Variants in RASSF3 observed in about 807,000 individuals in gnomAD.
RASSF3 encodes Ras association domain family member 3.
Under a neutral mutation model 19.9 loss-of-function variants are expected in RASSF3, and 19 were observed. The observed-to-expected ratio is 0.96, with a 90% CI of 0.67 to 1.40. The LOEUF (loss-of-function observed/expected upper bound fraction) is 1.40, where lower values mean the gene tolerates loss of function less well. Among genes scored for constraint, RASSF3 ranks in the 40% most tolerant of loss-of-function variants. RASSF3 has a pLI of 0.00. For synonymous variants in RASSF3, 110 were observed against 104.2 expected, an observed-to-expected ratio of 1.06 and a Z score of -0.34; for missense variants, 306 against 289.8, an observed-to-expected ratio of 1.06 and a Z score of -0.41.
intron 2 of RASSF3, among the ~76,000 whole-genome samples, chr12:64,555,909 T>TC (rs1476535287): frequency 7.2e-5 from 11 of 151,762 alleles, no homozygotes; most frequent in Admixed American, 2.0e-4. Context: ...AGAAAAAGTC[T>TC]CCCCCTTAAA....
At chr12:64,574,704 A>G (rs1354480779) in intron 2 of RASSF3, among the ~76,000 whole-genome samples, 1 of 152,230 alleles carries the variant, frequency 6.6e-6, no homozygotes, top group Non-Finnish European at 1.5e-5. Context: ...TGCGTAGAAC[A>G]TGAGTTCTCC....
At chr12:64,685,562 A>C (rs1873317184) in intron 2 of RASSF3, among the ~76,000 whole-genome samples, 1 of 152,152 alleles carries the variant, frequency 6.6e-6, no homozygotes, top group Non-Finnish European at 1.5e-5. Flanking sequence ...TACAAAATAA[A>C]TATGGAAGTG....
chr12:64,685,694 G>A (rs1291135334), intron 2 of RASSF3, among the ~76,000 whole-genome samples: 3 of 152,296 alleles, frequency 2.0e-5, no homozygotes, highest in East Asian at 1.9e-4. Context: ...CGTCGCTGTC[G>A]CAGGCTTCCA....
chr12:64,646,178 AC>A (rs1565859850), intron 1 of RASSF3, among the ~76,000 whole-genome samples: 2 of 152,202 alleles, frequency 1.3e-5, no homozygotes, highest in African/African-American at 2.4e-5. Context: ...TTCTTGTAGA[AC>A]GTGTCCTTTG....
intron 2 of RASSF3, among the ~76,000 whole-genome samples, chr12:64,585,670 T>C (rs1339720047): frequency 6.9e-6 from 1 of 144,528 alleles, no homozygotes; most frequent in Non-Finnish European, 1.5e-5. Flanking sequence ...AGTGGCATAA[T>C]CACGGCTCAT....
At chr12:64,562,523 C>T (rs116060821) in intron 2 of RASSF3, among the ~76,000 whole-genome samples, 2,029 of 152,256 alleles carry the variant, frequency 0.013, 39 homozygotes, top group African/African-American at 0.039. Flanking sequence ...CATGTCTCTA[C>T]CCCCATCTTT....
intron 2 of RASSF3, among the ~76,000 whole-genome samples, chr12:64,600,221 G>C (rs575995814): frequency 6.6e-6 from 1 of 152,156 alleles, no homozygotes; most frequent in African/African-American, 2.4e-5. Flanking sequence ...CACCTTTGGA[G>C]GTAGAGGCAG....
At chr12:64,540,301 TA>T (rs34397906) in intron 1 of RASSF3, among the ~76,000 whole-genome samples, 9 of 152,336 alleles carry the variant, frequency 5.9e-5, no homozygotes, top group African/African-American at 2.2e-4. Context: ...TGCTGGTGAA[TA>T]AAATTGTGGC....
intron 1 of RASSF3, among the ~76,000 whole-genome samples, chr12:64,640,997 T>C (rs1267954066): frequency 6.6e-6 from 1 of 152,126 alleles, no homozygotes; most frequent in Non-Finnish European, 1.5e-5. Context: ...TATTCTAATG[T>C]ATATATACAT....
intron 2 of RASSF3, among the ~76,000 whole-genome samples, chr12:64,559,097 C>G (rs1285587237): frequency 1.3e-5 from 2 of 152,162 alleles, no homozygotes; most frequent in African/African-American, 4.8e-5. Context: ...GAGTCCAGCT[C>G]TGCTACTGTC....
chr12:64,606,641 C>G (rs1339830666), upstream of RASSF3, among the ~76,000 whole-genome samples: 2 of 152,092 alleles, frequency 1.3e-5, no homozygotes, highest in African/African-American at 4.8e-5. Context: ...ATGGTGAAAC[C>G]CTGTCTCTAC....
Position 64,641,402 on chromosome 12 carries a change from G to GCACACACACACACACA in RASSF3, c.111+30672_111+30673insACACACACACACACAC, listed in dbSNP as rs1555213814. ...CAGAGTGAGACCCTGTCTCACAGGC[G>GCACACACACACACACA]CACACACACACACGCGCGCGCGCGC... is the stretch of plus-strand genomic sequence containing the variant. On this transcript the variant is annotated intron_variant, in intron 1 of 4. Coordinates refer to ENST00000542104, the MANE Select transcript of RASSF3 (RefSeq NM_178169.4). Among the ~76,000 whole-genome samples the GCACACACACACACACA allele has an allele frequency of 1.2e-4, 12 of 102,676 alleles. No homozygotes were observed. The East Asian group carries it at 2.4e-3, about 21-fold the overall frequency. The allele number at this position is 102,676 out of a possible 152,430, so 67.4% of individuals were successfully genotyped here. A position where few individuals can be genotyped will look rare whatever the true frequency, so the allele number is the denominator to read the frequency against.
At chr12:64,559,048 C>G (rs1284045191) in intron 2 of RASSF3, among the ~76,000 whole-genome samples, 1 of 152,084 alleles carries the variant, frequency 6.6e-6, no homozygotes, top group Non-Finnish European at 1.5e-5. Flanking sequence ...CTGCCTGGCT[C>G]CTGACACTCT....
chr12:64,668,313 C>G lies in RASSF3; in HGVS notation c.112-16474C>G, dbSNP rs988938713. ...TTCAATTGAAACAGGGTCTCACTGT[C>G]TTGCCCAGGCTGAGGTGGAATGTGG... On this transcript the variant is annotated intron_variant, in intron 1 of 4. Transcript: ENST00000542104. Among the ~76,000 whole-genome samples the G allele has an allele frequency of 8.7e-5, 13 of 150,196 alleles. No individual in the cohort carries two copies. In the South Asian group the frequency reaches 1.3e-3, roughly 15 times the overall value.
At chr12:64,559,573 G>A (rs1869315110) in intron 2 of RASSF3, among the ~76,000 whole-genome samples, 1 of 152,010 alleles carries the variant, frequency 6.6e-6, no homozygotes, top group South Asian at 2.1e-4. Context: ...CTGGCCCCTT[G>A]TGGGTCCATT....
intron 2 of RASSF3, among the ~76,000 whole-genome samples, chr12:64,581,695 T>A (rs1008585273): frequency 6.6e-6 from 1 of 152,096 alleles, no homozygotes; most frequent in Non-Finnish European, 1.5e-5. Context: ...ATAGGCAAAT[T>A]TGAGGGGTTA....
chr12:64,684,938 CA>C, intron 2 of RASSF3, 44 bp downstream of exon 2: 1 of 1,135,344 alleles, frequency 8.8e-7, no homozygotes, highest in African/African-American at 1.5e-5. Context: ...TGTCAAAAGA[CA>C]AATATAAATT....
intron 2 of RASSF3, among the ~76,000 whole-genome samples, chr12:64,599,931 C>T (rs528846410): frequency 6.7e-6 from 1 of 148,344 alleles, no homozygotes; most frequent in Non-Finnish European, 1.5e-5. Flanking sequence ...CCTCGGGAGG[C>T]TGAGGAAGGA....
intron 1 of RASSF3, among the ~76,000 whole-genome samples, chr12:64,508,174 C>T (rs567643502): frequency 1.1e-4 from 17 of 152,256 alleles, no homozygotes; most frequent in African/African-American, 4.1e-4. Flanking sequence ...CATTATCAAA[C>T]ATAATCTGAT....
Sources: gnomAD v4.1 joint callset for allele counts (sites outside exome capture counted in the v4.1 genomes callset) on GRCh38, gnomAD v4.1.1 for gene constraint, MANE v1.5 for transcripts, NCBI Gene and HGNC (gene_info 2026-07-23, HGNC 2026-07-21) for gene names.